Variants in CYTL1 observed in about 807,000 individuals in gnomAD.
CYTL1 encodes cytokine like 1.
In CYTL1, 17 loss-of-function variants were observed where a neutral mutation model predicts 13.1. The observed-to-expected ratio is 1.29, with a 90% CI of 0.89 to 1.94. CYTL1 has a LOEUF of 1.94. Among genes scored for constraint, CYTL1 ranks in the 30% most tolerant of loss-of-function variants. The pLI is 0.00. For synonymous variants in CYTL1, 91 were observed against 79.4 expected (o/e 1.15, Z -0.78); for missense variants, 213 against 174.8 (o/e 1.22, Z -1.23).
chr4:5,016,494 G>A (rs933613816), intron 3 of CYTL1, among the ~76,000 whole-genome samples: 4 of 152,018 alleles, frequency 2.6e-5, no homozygotes, highest in Admixed American at 6.5e-5. Flanking sequence ...CTCTCCTACC[G>A]GAATCCTCTT....
At position 5,014,842 on chromosome 4, in the gene CYTL1, A is replaced by C; in HGVS notation, c.*309T>G. ...AACATACTATTGTGCAAGTTCTCAA[A>C]ATAGTTGTTCATAAAAGTGAAGCTT... On this transcript the variant is annotated 3_prime_UTR_variant, in exon 4 of 4. Coordinates refer to ENST00000307746, the MANE Select transcript of CYTL1 (RefSeq NM_018659.3). 1 of 345,034 alleles carries C rather than the reference A, an allele frequency of 2.9e-6. No homozygotes were observed. Among genetic ancestry groups the C allele is most frequent in the South Asian group, 3.1e-5 (1 of 31,824 alleles). 21.4% of individuals were successfully genotyped at this position (345,034 alleles called of 1,614,324 possible).
chr4:5,017,321 T>C (rs1741096455), intron 1 of CYTL1, 142 bp from the exon 2 acceptor site: 1 of 677,772 alleles, frequency 1.5e-6, no homozygotes, highest in African/African-American at 1.8e-5. Context: ...AGTACTTTCT[T>C]GTGTCATACG....
intron 3 of CYTL1, among the ~76,000 whole-genome samples, chr4:5,015,779 G>A (rs964895241): frequency 9.2e-5 from 14 of 152,160 alleles, no homozygotes; most frequent in African/African-American, 1.2e-4. Flanking sequence ...CTTACTCTGG[G>A]CTAGGCATGG....
In CYTL1 at chr4:5,016,862, T is replaced by C; in HGVS notation, c.301A>G (p.Thr101Ala). Residue 101 changes from threonine (T) to alanine (A), a missense_variant, in exon 3 of 4, where the codon ACC (threonine) becomes GCC (alanine). Transcript: ENST00000307746. ...CTCCTGCAGAACGAGTTCATGATGGTGTACAGCTTCCGTGCTTTGTCCTTC... is the reference window on the plus strand; with the variant it reads ...CTCCTGCAGAACGAGTTCATGATGGCGTACAGCTTCCGTGCTTTGTCCTTC... ...SLKDKARKLY[T>A]IMNSFCRRDL... is the part of the protein sequence containing the mutation. The C allele has an allele frequency of 1.2e-6, 2 of 1,614,200 alleles. No homozygotes were observed. Among genetic ancestry groups the C allele is most frequent in the Non-Finnish European group, 1.7e-6 (2 of 1,180,032 alleles).
At chr4:5,017,304 C>T in intron 1 of CYTL1, 125 bp from the exon 2 acceptor site, 2 of 780,454 alleles carry the variant, frequency 2.6e-6, no homozygotes, top group South Asian at 1.8e-5. Context: ...GATGCTACGA[C>T]ATGCACAGTA....
Position 5,014,818 on chromosome 4 carries a change from A to G in CYTL1, c.*333T>C, listed in dbSNP as rs538189380. On this transcript the variant is annotated 3_prime_UTR_variant, in exon 4 of 4. Coordinates refer to ENST00000307746, the MANE Select transcript of CYTL1 (RefSeq NM_018659.3). ...TTACTCCATTAAACCAGTAATAAAA[A>G]CATACTATTGTGCAAGTTCTCAAAA... 20 of 263,598 alleles carry G rather than the reference A, an allele frequency of 7.6e-5. No individual in the cohort carries two copies. The East Asian group carries it at 2.1e-3, about 28-fold the overall frequency. The allele number at this position is 263,598 out of a possible 1,614,324, so 16.3% of individuals were successfully genotyped here. A position where few individuals can be genotyped will look rare whatever the true frequency, so the allele number is the denominator to read the frequency against.
intron 1 of CYTL1, 33 bp from the exon 2 acceptor site, chr4:5,017,212 C>T (rs1333077815): frequency 6.2e-7 from 1 of 1,608,896 alleles, no homozygotes; most frequent in Non-Finnish European, 8.5e-7. Context: ...CTGGGATGCC[C>T]ACAGGGGCAT....
chr4:5,017,629 C>T (rs1741102855), intron 1 of CYTL1, among the ~76,000 whole-genome samples: 1 of 149,714 alleles, frequency 6.7e-6, no homozygotes, highest in Admixed American at 6.7e-5. Flanking sequence ...TAATAATATA[C>T]TTATATAATA....
At position 5,015,979 on chromosome 4, in the gene CYTL1, T is replaced by C. The variant is rs182223097; in HGVS notation, c.328-745A>G. ...AAGGGACACTGCTGTGATTTGAATG[T>C]GGTCCCAAAAGTTTATGTGTTGGAA... On this transcript the variant is annotated intron_variant, in intron 3 of 3. Coordinates refer to ENST00000307746, the MANE Select transcript of CYTL1 (RefSeq NM_018659.3). Among the ~76,000 whole-genome samples the C allele has an allele frequency of 3.3e-3, 502 of 152,310 alleles. 7 individuals are homozygous for C. The highest frequency in any genetic ancestry group is 0.032 in the South Asian group (152 of 4,814).
chr4:5,017,259 C>A, intron 1 of CYTL1, 80 bp from the exon 2 acceptor site: 1 of 1,364,250 alleles, frequency 7.3e-7, no homozygotes, highest in Non-Finnish European at 1.0e-6. Flanking sequence ...GCCCTCTCAA[C>A]AGCCAGACCA....
At position 5,019,342 on chromosome 4, in the gene CYTL1, C is replaced by T; in HGVS notation, c.104G>A (p.Ser35Asn). 1 of 1,514,126 alleles carries T rather than the reference C, an allele frequency of 6.6e-7. No individual in the cohort carries two copies. Among genetic ancestry groups the T allele is most frequent in the Non-Finnish European group, 8.8e-7 (1 of 1,137,972 alleles). The allele number at this position is 1,514,126 out of a possible 1,614,324, so 93.8% of individuals were successfully genotyped here. A position where few individuals can be genotyped will look rare whatever the true frequency, so the allele number is the denominator to read the frequency against. The change falls in exon 1 of 4, where the codon AGC (serine) becomes AAC (asparagine). Residue 35 changes from serine to asparagine, a missense_variant. Transcript: ENST00000307746. ...PTCYSRMRAL[S>N]QEITRDFNLL... ...GTTGAAGTCGCGGGTGATCTCCTGG[C>T]TCAGGGCCCGCATGCGGGAGTAGCA...
At chr4:5,017,915 G>C (rs114466577) in intron 1 of CYTL1, among the ~76,000 whole-genome samples, 108 of 152,296 alleles carry the variant, frequency 7.1e-4, no homozygotes, top group Middle Eastern at 3.4e-3. Context: ...GTGTGACCAT[G>C]GGCAAGTGCC....
At chr4:5,017,570 CTATT>C (rs973735891) in intron 1 of CYTL1, among the ~76,000 whole-genome samples, 48 of 150,956 alleles carry the variant, frequency 3.2e-4, no homozygotes, top group Admixed American at 4.6e-4. Context: ...AGTTCTATAA[CTATT>C]TAGTTATATA....
At position 5,017,147 on chromosome 4, in the gene CYTL1, G is replaced by T; in HGVS notation, c.186C>A (p.Tyr62Ter). 1 of 1,614,002 alleles carries T rather than the reference G, an allele frequency of 6.2e-7. No individual in the cohort carries two copies. Among genetic ancestry groups the T allele is most frequent in the Non-Finnish European group, 8.5e-7 (1 of 1,179,938 alleles). Residue 62 changes from tyrosine (Y) to a stop codon, truncating the protein, a stop_gained, in exon 2 of 4, where the codon TAC (tyrosine) becomes TAA (stop). Coordinates refer to ENST00000307746, the MANE Select transcript of CYTL1 (RefSeq NM_018659.3). LOFTEE classifies it high-confidence loss of function. ...AGAACCCTCTTACGTGTATGTCCAG[G>T]TACAGCCTGGGCAGGTATCTCACAC... is the stretch of plus-strand genomic sequence containing the variant. Reference protein sequence around the residue: ...EPCVRYLPRLYLDIHNYCVLD... With the variant: ...EPCVRYLPRL
chr4:5,014,894 C>A lies in CYTL1; in HGVS notation c.*257G>T. ...TTAGTCCTTTTCTTCTTTTTAGTGA[C>A]CAAATCAACATGCTGTGTATCTAAC... On this transcript the variant is annotated 3_prime_UTR_variant, in exon 4 of 4. Coordinates refer to ENST00000307746, the MANE Select transcript of CYTL1 (RefSeq NM_018659.3). 2.2e-6 allele frequency: 1 copy of A among 450,142 alleles called. No homozygotes were observed. The allele number at this position is 450,142 out of a possible 1,614,324, so 27.9% of individuals were successfully genotyped here.
rs542906242 is a variant in CYTL1, at chr4:5,019,213, C to T, written c.153+80G>A. ...AAAATATCCTTTTCTCTCTCTCTCT[C>T]TTTTTTTTTTCGTGTAAAGGCAAGG... On this transcript the variant is annotated intron_variant, in intron 1 of 3. Coordinates refer to ENST00000307746, the MANE Select transcript of CYTL1 (RefSeq NM_018659.3). The T allele has an allele frequency of 4.4e-5, 43 of 978,774 alleles. No homozygotes were observed. In the East Asian group the frequency reaches 5.7e-4, roughly 13 times the overall value. The allele number at this position is 978,774 out of a possible 1,614,324, so 60.6% of individuals were successfully genotyped here.
chr4:5,017,071 A>G, intron 2 of CYTL1, 64 bp downstream of exon 2: 2 of 1,606,060 alleles, frequency 1.2e-6, no homozygotes, highest in Non-Finnish European at 1.7e-6. Context: ...CACAGCCAGC[A>G]GCAGAGGTTC....
At chr4:5,018,769 G>T (rs930742895) in intron 1 of CYTL1, among the ~76,000 whole-genome samples, 6 of 152,170 alleles carry the variant, frequency 3.9e-5, no homozygotes, top group African/African-American at 1.4e-4. Flanking sequence ...TAAAGGGAGG[G>T]GTGCTACTGT....
chr4:5,015,577 G>C (rs774612113), intron 3 of CYTL1, among the ~76,000 whole-genome samples: 8 of 152,128 alleles, frequency 5.3e-5, no homozygotes, highest in Non-Finnish European at 8.8e-5. Context: ...GCATTGGAAT[G>C]ACCTCACTTC....
Sources: gnomAD v4.1 joint callset for allele counts (sites outside exome capture counted in the v4.1 genomes callset) on GRCh38, gnomAD v4.1.1 for gene constraint, MANE v1.5 for transcripts, NCBI Gene and HGNC (gene_info 2026-07-23, HGNC 2026-07-21) for gene names.